KCNH1: variants seen among roughly 807,000 people sequenced by gnomAD.
KCNH1 encodes potassium voltage-gated channel subfamily H member 1, also known as voltage-gated delayed rectifier potassium channel KCNH1.
In KCNH1, 27 loss-of-function variants were observed where a neutral mutation model predicts 69.2. The ratio of observed to expected loss-of-function variants is 0.39; its 90% CI spans 0.29 to 0.54. The LOEUF (loss-of-function observed/expected upper bound fraction) is 0.54. Among genes scored for constraint, KCNH1 ranks in the 20% least tolerant of loss-of-function variants. The probability of loss-of-function intolerance (pLI) is 0.68; values close to 1 mark genes in which losing one functional copy is unlikely to be tolerated. For synonymous variants in KCNH1, 456 were observed against 487.7 expected (o/e 0.93, Z 0.86); for missense variants, 798 against 1,261.6 (o/e 0.63, Z 5.57).
intron 6 of KCNH1, among the ~76,000 whole-genome samples, chr1:210,983,929 G>C (rs1305804121): frequency 6.6e-6 from 1 of 152,104 alleles, no homozygotes; most frequent in Non-Finnish European, 1.5e-5. Flanking sequence ...CCATTTGTTT[G>C]TATCCTCTTT....
At chr1:210,908,523 G>A (rs1687161385) in intron 7 of KCNH1, among the ~76,000 whole-genome samples, 1 of 152,258 alleles carries the variant, frequency 6.6e-6, no homozygotes, top group East Asian at 1.9e-4. Flanking sequence ...GCAAGACGGG[G>A]CTGGATGGGT....
At position 210,782,181 on chromosome 1, in the gene KCNH1, G is replaced by A. The variant is rs893677054; in HGVS notation, c.1916-6637C>T. On this transcript the variant is annotated intron_variant, in intron 9 of 10. Transcript: ENST00000271751. ...GCATACCCAGCACTGTCTCCGGTAC[G>A]TGGCAGGCACTCAATGGCTGTTGAA... Among the ~76,000 whole-genome samples, 9 of 152,156 alleles carry A rather than the reference G, an allele frequency of 5.9e-5. No homozygotes were observed. The South Asian group carries it at 1.0e-3, about 18-fold the overall frequency.
At chr1:210,940,445 G>A (rs1223940130) in intron 6 of KCNH1, among the ~76,000 whole-genome samples, 1 of 152,188 alleles carries the variant, frequency 6.6e-6, no homozygotes, top group Non-Finnish European at 1.5e-5. Context: ...ACTACATTCA[G>A]GGGAAGGATG....
chr1:211,133,733 T>A lies in KCNH1; in HGVS notation c.79+134A>T. ...TTTCTCTGCCTCGGGGAGGCTGCCC[T>A]GGGTGCCCGCGCCGCGGCTCCTTAG... On this transcript the variant is annotated intron_variant, in intron 1 of 10. Coordinates refer to ENST00000271751, the MANE Select transcript of KCNH1 (RefSeq NM_172362.3). This position sits in a 1 kb window ranked among gnomAD's most constrained non-coding sequence, Gnocchi z 5.4. 16 of 612,532 alleles carry A rather than the reference T, an allele frequency of 2.6e-5. No homozygotes were observed. Among genetic ancestry groups the A allele is most frequent in the East Asian group, 8.4e-5 (2 of 23,890 alleles). 37.9% of individuals were successfully genotyped at this position (612,532 alleles called of 1,614,324 possible).
chr1:211,056,452 G>A (rs1434176543), intron 5 of KCNH1, among the ~76,000 whole-genome samples: 3 of 152,258 alleles, frequency 2.0e-5, no homozygotes, highest in Non-Finnish European at 4.4e-5. Flanking sequence ...CCCATCCAAG[G>A]ATGGGGGAAA....
chr1:211,087,876 C>T (rs1046346159), intron 4 of KCNH1, among the ~76,000 whole-genome samples: 26 of 152,204 alleles, frequency 1.7e-4, no homozygotes, highest in African/African-American at 5.5e-4. Context: ...AGCATTTGCA[C>T]GACCCATCCC....
intron 7 of KCNH1, among the ~76,000 whole-genome samples, chr1:210,832,324 A>G (rs765635068): frequency 6.6e-6 from 1 of 152,212 alleles, no homozygotes; most frequent in South Asian, 2.1e-4. Flanking sequence ...AGTGGCATAT[A>G]CTGGGCACTC....
At chr1:211,006,679 AAAAG>A (rs2102404873) in intron 6 of KCNH1, among the ~76,000 whole-genome samples, 1 of 152,312 alleles carries the variant, frequency 6.6e-6, no homozygotes, top group African/African-American at 2.4e-5. Flanking sequence ...TAAACACTTT[AAAAG>A]AAATAATCAG....
chr1:210,985,676 A>G (rs1328380376), intron 6 of KCNH1, among the ~76,000 whole-genome samples: 1 of 152,070 alleles, frequency 6.6e-6, no homozygotes, highest in Non-Finnish European at 1.5e-5. Context: ...GTTCTTTTAC[A>G]TTTGCTGAGG....
intron 5 of KCNH1, among the ~76,000 whole-genome samples, chr1:211,057,067 A>G (rs944406253): frequency 3.9e-5 from 6 of 152,218 alleles, no homozygotes; most frequent in African/African-American, 1.2e-4. Flanking sequence ...AGAGACAGAG[A>G]TATGTGACCT....
chr1:210,779,622 A>G (rs921796726), intron 9 of KCNH1, among the ~76,000 whole-genome samples: 1 of 152,214 alleles, frequency 6.6e-6, no homozygotes, highest in African/African-American at 2.4e-5. Context: ...GGAGGCAATC[A>G]GCCTATTGAT....
At chr1:210,749,966 C>T (rs909866798) in intron 10 of KCNH1, among the ~76,000 whole-genome samples, 1 of 152,180 alleles carries the variant, frequency 6.6e-6, no homozygotes, top group African/African-American at 2.4e-5. Context: ...TGGTCTCAAA[C>T]TCCTGATCTC....
chr1:210,805,951 G>A (rs1684541936), intron 7 of KCNH1, among the ~76,000 whole-genome samples: 1 of 152,170 alleles, frequency 6.6e-6, no homozygotes, highest in Non-Finnish European at 1.5e-5. Context: ...CTATTGTGTG[G>A]ATATTCCACA....
chr1:210,757,053 G>T (rs1054100100), intron 10 of KCNH1, among the ~76,000 whole-genome samples: 1 of 152,176 alleles, frequency 6.6e-6, no homozygotes, highest in Non-Finnish European at 1.5e-5. Context: ...TCTTGCTTTT[G>T]TGCTGCACCT....
At chr1:210,908,650 G>A (rs189627636) in intron 7 of KCNH1, among the ~76,000 whole-genome samples, 37 of 152,208 alleles carry the variant, frequency 2.4e-4, no homozygotes, top group Admixed American at 1.2e-3. Flanking sequence ...GTTTACTGTC[G>A]TTTCCCCAAT....
chr1:211,115,051 C>T (rs1691543211), intron 1 of KCNH1, among the ~76,000 whole-genome samples: 1 of 152,084 alleles, frequency 6.6e-6, no homozygotes, highest in South Asian at 2.1e-4. Flanking sequence ...TCACTGCAAC[C>T]TCTGCATCCC....
At chr1:211,109,770 A>T (rs1039353002) in intron 1 of KCNH1, among the ~76,000 whole-genome samples, 41 of 152,182 alleles carry the variant, frequency 2.7e-4, no homozygotes, top group African/African-American at 9.6e-4. Context: ...TGAACCAAAA[A>T]AAAACTGGGG....
intron 10 of KCNH1, among the ~76,000 whole-genome samples, chr1:210,722,524 G>T (rs900005524): frequency 1.3e-5 from 2 of 152,156 alleles, no homozygotes; most frequent in African/African-American, 4.8e-5. Flanking sequence ...AGAAGGGCCT[G>T]GTAGTGTTGA....
At chr1:210,849,365 C>CT (rs150451228) in intron 7 of KCNH1, among the ~76,000 whole-genome samples, 2,446 of 128,000 alleles carry the variant, frequency 0.019, 50 homozygotes, top group African/African-American at 0.039. Flanking sequence ...TTCTTTCTTT[C>CT]TTTTTTTTTT....
Sources: allele counts gnomAD v4.1 joint callset (sites outside exome capture counted in the v4.1 genomes callset), GRCh38; gene constraint gnomAD v4.1.1; non-coding constraint Gnocchi (gnomAD v3.1); transcripts MANE v1.5; gene names NCBI Gene and HGNC (gene_info 2026-07-23, HGNC 2026-07-21).